AOPEP: variants seen among roughly 807,000 people sequenced by gnomAD.
The protein encoded by AOPEP is aminopeptidase O.
A neutral mutation model predicts 98.1 loss-of-function variants in AOPEP; 77 were observed. That is an observed-to-expected ratio of 0.78 (90% CI 0.65 to 0.95). The LOEUF (loss-of-function observed/expected upper bound fraction) is 0.95, where lower values mean the gene tolerates loss of function less well. Ranked by LOEUF, AOPEP falls within the 40% of genes least tolerant of loss-of-function variation. The pLI, the probability that AOPEP is intolerant of heterozygous loss-of-function variation, is 0.00. For synonymous variants in AOPEP, 346 were observed against 365.3 expected (o/e 0.95, Z 0.60); for missense variants, 1,024 against 1,024.7 (o/e 1.00, Z 0.01).
the AOPEP span, chr9:95,117,533 G>GAAAAATA: frequency 1.4e-6 from 1 of 705,024 alleles, no homozygotes; most frequent in Non-Finnish European, 2.5e-6. Context: ...TTTATTTTTT[G>GAAAAATA]AAAAATAAGC....
chr9:94,961,031 A>G (rs1340924290), intron 9 of AOPEP, among the ~76,000 whole-genome samples: 2 of 151,418 alleles, frequency 1.3e-5, no homozygotes, highest in East Asian at 1.9e-4. Context: ...AAAAAAAAAG[A>G]ATGCTTGCCT....
intron 14 of AOPEP, among the ~76,000 whole-genome samples, chr9:95,064,390 G>C (rs528671274): frequency 6.6e-6 from 1 of 152,188 alleles, no homozygotes; most frequent in African/African-American, 2.4e-5. Context: ...CAACTCCCAG[G>C]TTCAAGCAGT....
rs561511155 is a variant in AOPEP at position 95,044,510 on chromosome 9, C to T, written c.2116-16184C>T. Among the ~76,000 whole-genome samples the T allele has an allele frequency of 7.9e-5, 12 of 152,212 alleles. No homozygotes were observed. In the East Asian group the frequency reaches 2.1e-3, roughly 27 times the overall value. ...TATGGCAGAATAGCGTAACAGCCCACGTGAAAATGAATGAGAGTAAAACCC... is the reference window on the plus strand; with the variant it reads ...TATGGCAGAATAGCGTAACAGCCCATGTGAAAATGAATGAGAGTAAAACCC... On this transcript the variant is annotated intron_variant, in intron 13 of 16. Coordinates refer to ENST00000375315, the MANE Select transcript of AOPEP (RefSeq NM_001193329.3).
intron 3 of AOPEP, among the ~76,000 whole-genome samples, chr9:94,775,041 A>T (rs1323165009): frequency 6.6e-6 from 1 of 152,128 alleles, no homozygotes; most frequent in African/African-American, 2.4e-5. Flanking sequence ...TTAAAAAAAG[A>T]TATTAATTTC....
intron 14 of AOPEP, among the ~76,000 whole-genome samples, chr9:95,064,895 C>G (rs573361666): frequency 6.6e-6 from 1 of 152,344 alleles, no homozygotes; most frequent in African/African-American, 2.4e-5. Context: ...ATGGTTGTTA[C>G]ATCTCCAGAT....
At chr9:95,096,084 A>C in the AOPEP span, among the ~76,000 whole-genome samples, 14 of 152,118 alleles carry the variant, frequency 9.2e-5, no homozygotes, top group African/African-American at 3.4e-4. Context: ...GGCTTCTCAG[A>C]ACACACAGAT....
chr9:94,754,240 G>A (rs992160391), intron 1 of AOPEP, among the ~76,000 whole-genome samples: 5 of 152,192 alleles, frequency 3.3e-5, no homozygotes, highest in Non-Finnish European at 7.4e-5. Context: ...ATTTGAGTGT[G>A]TGAAGAATTG....
chr9:94,968,462 G>C (rs1289722755), intron 10 of AOPEP, among the ~76,000 whole-genome samples: 2 of 151,768 alleles, frequency 1.3e-5, no homozygotes, highest in Non-Finnish European at 2.9e-5. Flanking sequence ...GGCTGGTCTT[G>C]AACTCCTCAG....
At chr9:94,727,913 A>G (rs1829579678) in intron 1 of AOPEP, among the ~76,000 whole-genome samples, 1 of 152,218 alleles carries the variant, frequency 6.6e-6, no homozygotes, top group African/African-American at 2.4e-5. Flanking sequence ...TGAGTTAGGA[A>G]TTATTACCCC....
chr9:94,983,574 TC>T (rs1012719459), intron 11 of AOPEP, among the ~76,000 whole-genome samples: 2 of 152,178 alleles, frequency 1.3e-5, no homozygotes, highest in Non-Finnish European at 2.9e-5. Context: ...CAGAGACTTT[TC>T]CCCCATGGAC....
intron 5 of AOPEP, among the ~76,000 whole-genome samples, chr9:94,813,489 A>G (rs1851067111): frequency 6.6e-6 from 1 of 152,210 alleles, no homozygotes; most frequent in African/African-American, 2.4e-5. Flanking sequence ...GGCTTCCTGT[A>G]ACTTCCTTCC....
intron 5 of AOPEP, among the ~76,000 whole-genome samples, chr9:94,907,299 C>T (rs769279086): frequency 3.3e-5 from 5 of 152,184 alleles, no homozygotes; most frequent in Non-Finnish European, 5.9e-5. Flanking sequence ...CAACTCTGCT[C>T]TTTGATTTTG....
intron 5 of AOPEP, among the ~76,000 whole-genome samples, chr9:94,873,403 A>T (rs1185679247): frequency 6.6e-6 from 1 of 152,250 alleles, no homozygotes; most frequent in Non-Finnish European, 1.5e-5. Context: ...CTTTGGAATT[A>T]ACAAATATGT....
chr9:95,018,686 G>A (rs2063205935), intron 13 of AOPEP, among the ~76,000 whole-genome samples: 1 of 152,230 alleles, frequency 6.6e-6, no homozygotes, highest in Non-Finnish European at 1.5e-5. Context: ...GTTTTCTGCA[G>A]AAGAATGCTA....
chr9:94,916,313 G>A (rs1256606334), intron 5 of AOPEP, among the ~76,000 whole-genome samples: 2 of 152,138 alleles, frequency 1.3e-5, no homozygotes, highest in Non-Finnish European at 2.9e-5. Flanking sequence ...CTGCCGACAT[G>A]TTTTAGTTGG....
rs150633496 is a variant in AOPEP, at chr9:94,862,511, A to G, written c.1365-61475A>G. ...GTTGACCTCCTTCCAGTCTCCTTGA[A>G]CATGCTCTGTTCATTACTGAAACAG... is the stretch of plus-strand genomic sequence containing the variant. On this transcript the variant is annotated intron_variant, in intron 5 of 16. Coordinates refer to ENST00000375315, the MANE Select transcript of AOPEP (RefSeq NM_001193329.3). 2.0e-4 allele frequency among the ~76,000 whole-genome samples: 30 copies of G among 152,294 alleles called. No individual in the cohort carries two copies. The East Asian group carries it at 5.6e-3, about 28-fold the overall frequency.
At chr9:94,829,026 A>G (rs1057378285) in intron 5 of AOPEP, among the ~76,000 whole-genome samples, 2 of 151,560 alleles carry the variant, frequency 1.3e-5, no homozygotes, top group Non-Finnish European at 1.5e-5. Flanking sequence ...GGGGCACCAC[A>G]CCTGGCTAAT....
intron 5 of AOPEP, among the ~76,000 whole-genome samples, chr9:94,882,196 A>C (rs1417231842): frequency 1.3e-5 from 2 of 152,190 alleles, no homozygotes; most frequent in Non-Finnish European, 2.9e-5. Flanking sequence ...GTGAAAGGGT[A>C]ATTTGACTAG....
At chr9:95,054,135 A>G (rs1238906976) in intron 13 of AOPEP, among the ~76,000 whole-genome samples, 1 of 152,250 alleles carries the variant, frequency 6.6e-6, no homozygotes, top group Non-Finnish European at 1.5e-5. Flanking sequence ...ATTCAGGCAT[A>G]TATTGAACAT....
Sources: gnomAD v4.1 joint callset for allele counts (sites outside exome capture counted in the v4.1 genomes callset) on GRCh38, gnomAD v4.1.1 for gene constraint, MANE v1.5 for transcripts, NCBI Gene and HGNC (gene_info 2026-07-23, HGNC 2026-07-21) for gene names.